Variants in PDE10A observed in about 807,000 individuals in gnomAD.
The protein encoded by PDE10A is phosphodiesterase 10A, also known as cAMP and cAMP-inhibited cGMP 3',5'-cyclic phosphodiesterase 10A.
In PDE10A, 39 loss-of-function variants were observed where a neutral mutation model predicts 97.7. The ratio of observed to expected loss-of-function variants is 0.40; its 90% CI spans 0.31 to 0.52. The LOEUF (loss-of-function observed/expected upper bound fraction) is 0.52. Ranked by LOEUF, PDE10A falls within the 20% of genes least tolerant of loss-of-function variation. The probability of loss-of-function intolerance (pLI) is 0.56; values close to 1 mark genes in which losing one functional copy is unlikely to be tolerated. For synonymous variants in PDE10A, 371 were observed against 376.8 expected (o/e 0.98, Z 0.18); for missense variants, 731 against 1,047.8 (o/e 0.70, Z 4.17).
At chr6:165,790,668 C>T (rs920049763) in intron 1 of PDE10A, among the ~76,000 whole-genome samples, 1 of 152,014 alleles carries the variant, frequency 6.6e-6, no homozygotes, top group African/African-American at 2.4e-5. Flanking sequence ...GAGACCCCGT[C>T]AGCCGTCTCT....
intron 1 of PDE10A, among the ~76,000 whole-genome samples, chr6:165,583,825 A>C (rs1214284094): frequency 6.6e-6 from 1 of 152,184 alleles, no homozygotes; most frequent in African/African-American, 2.4e-5. Context: ...GGTGGGGAGG[A>C]ATAGGAATGG....
At chr6:165,369,138 G>A (rs1304970475) in intron 18 of PDE10A, among the ~76,000 whole-genome samples, 13 of 152,060 alleles carry the variant, frequency 8.5e-5, no homozygotes, top group Admixed American at 3.3e-4. Context: ...AAAAAACAGA[G>A]CAGAAAAACT....
At chr6:165,650,142 T>A (rs1789604945) in intron 1 of PDE10A, among the ~76,000 whole-genome samples, 1 of 152,018 alleles carries the variant, frequency 6.6e-6, no homozygotes, top group Non-Finnish European at 1.5e-5. Flanking sequence ...GAAACCATGA[T>A]CCCAGGAGGA....
chr6:165,958,724 A>AAAG (rs1784260535), intron 1 of PDE10A, among the ~76,000 whole-genome samples: 4 of 14,616 alleles, frequency 2.7e-4, no homozygotes, highest in African/African-American at 1.0e-3. Context: ...GAGAAGAAAG[A>AAAG]AAGAAAGAAA....
chr6:165,813,492 C>T (rs934385446), intron 1 of PDE10A, among the ~76,000 whole-genome samples: 2 of 152,116 alleles, frequency 1.3e-5, no homozygotes, highest in African/African-American at 2.4e-5. Context: ...AAAACATTGA[C>T]GATCCTACAT....
At chr6:165,376,497 T>C (rs1042793472) in intron 18 of PDE10A, among the ~76,000 whole-genome samples, 2 of 152,222 alleles carry the variant, frequency 1.3e-5, no homozygotes, top group African/African-American at 4.8e-5. Context: ...CTGACTCTAA[T>C]GTTGAAGGAA....
chr6:165,748,475 G>T (rs2128455141), intron 1 of PDE10A, among the ~76,000 whole-genome samples: 2 of 152,312 alleles, frequency 1.3e-5, no homozygotes, highest in East Asian at 3.9e-4. Context: ...TGTAAAGGTT[G>T]CATTTTCCCC....
chr6:165,685,618 A>G lies in PDE10A; in HGVS notation c.-614-142050T>C, dbSNP rs1042637439. 4.7e-4 allele frequency among the ~76,000 whole-genome samples: 71 copies of G among 152,170 alleles called. 2 individuals carry two copies. The highest frequency in any genetic ancestry group is 6.2e-4 in the South Asian group (3 of 4,820). ...GTATGTTCCTGGCAGCTTCTCCATC[A>G]CAGCCCACACTCCTCTTTTACCTGT... On this transcript the variant is annotated intron_variant, in intron 1 of 19. Coordinates refer to the PDE10A transcript ENST00000366882.
chr6:165,584,076 C>G (rs1006104530), intron 1 of PDE10A, among the ~76,000 whole-genome samples: 1 of 152,168 alleles, frequency 6.6e-6, no homozygotes, highest in Non-Finnish European at 1.5e-5. Flanking sequence ...GGAAATGGAG[C>G]TGCTACTATC....
chr6:165,784,504 A>G (rs181836973), intron 1 of PDE10A, among the ~76,000 whole-genome samples: 32 of 152,334 alleles, frequency 2.1e-4, no homozygotes, highest in African/African-American at 7.2e-4. Context: ...GACTACTCAT[A>G]TTGTTTCTAT....
At position 165,388,433 on chromosome 6, in the gene PDE10A, C is replaced by T. The variant is rs140098147; in HGVS notation, c.2475G>A (p.Ala825=). 5.2e-4 allele frequency: 834 copies of T among 1,614,072 alleles called. 6 individuals are homozygous for T. The East Asian group carries it at 9.8e-3, about 19-fold the overall frequency. Residue 825 remains alanine (A), a synonymous_variant, in exon 17 of 22, where the codon GCG becomes GCA. Coordinates refer to ENST00000539869, the MANE Select transcript of PDE10A (RefSeq NM_001385079.1). The surrounding 1 kb of genome is among the most constrained non-coding windows in gnomAD (Gnocchi z 4.0). ...TDLERKGLLI[A]CLCHDLDHRG... Reference sequence around the variant, plus strand: ...TGTGGTCCAGGTCATGACACAGACACGCAATCAGCAGTCCTTTGCGCTTTA... The same window carrying T: ...TGTGGTCCAGGTCATGACACAGACATGCAATCAGCAGTCCTTTGCGCTTTA...
intron 1 of PDE10A, among the ~76,000 whole-genome samples, chr6:165,652,888 G>A (rs1789752994): frequency 6.6e-6 from 1 of 152,170 alleles, no homozygotes; most frequent in African/African-American, 2.4e-5. Flanking sequence ...AAATGAAGCT[G>A]AGGCATCCAG....
chr6:165,944,306 GTC>G (rs1453827085), intron 1 of PDE10A, among the ~76,000 whole-genome samples: 13 of 152,258 alleles, frequency 8.5e-5, no homozygotes, highest in African/African-American at 3.1e-4. Flanking sequence ...CCATATCACC[GTC>G]TCTTTAATTT....
At chr6:165,970,849 G>GA (rs572169617) in intron 1 of PDE10A, among the ~76,000 whole-genome samples, 3 of 151,744 alleles carry the variant, frequency 2.0e-5, no homozygotes, top group Non-Finnish European at 4.4e-5. Flanking sequence ...TTCTGATAAT[G>GA]AAAAAAAAAT....
intron 19 of PDE10A, among the ~76,000 whole-genome samples, chr6:165,342,594 C>T (rs1782036691): frequency 6.6e-6 from 1 of 152,212 alleles, no homozygotes; most frequent in Non-Finnish European, 1.5e-5. Context: ...TACATACATT[C>T]TTCTGTATGA....
At chr6:165,387,518 G>A (rs963583510) in intron 17 of PDE10A, among the ~76,000 whole-genome samples, 5 of 152,182 alleles carry the variant, frequency 3.3e-5, no homozygotes, top group Admixed American at 6.5e-5. Flanking sequence ...TTTCTGCTTC[G>A]CAACTTGCCT....
At chr6:165,932,030 C>T (rs944159603) in intron 1 of PDE10A, among the ~76,000 whole-genome samples, 4 of 152,142 alleles carry the variant, frequency 2.6e-5, no homozygotes, top group Non-Finnish European at 4.4e-5. Flanking sequence ...TTGGCAAGTG[C>T]GGGTGAACGG....
intron 1 of PDE10A, among the ~76,000 whole-genome samples, chr6:165,648,315 C>A (rs1375816618): frequency 1.3e-5 from 2 of 151,972 alleles, no homozygotes; most frequent in Non-Finnish European, 2.9e-5. Context: ...CCCGGCCTTA[C>A]ATATGCATTT....
At position 165,661,811 on chromosome 6, in the gene PDE10A, C is replaced by A; in HGVS notation, c.865+136G>T. On this transcript the variant is annotated intron_variant, in intron 1 of 21. Coordinates refer to ENST00000539869, the MANE Select transcript of PDE10A (RefSeq NM_001385079.1). This position sits in a 1 kb window ranked among gnomAD's most constrained non-coding sequence, Gnocchi z 4.8. ...ACCGGCTCCTGCCCCTCCAGAGAAGCCCCCTGGGCGCTCCACGCCCGGGCA... is the reference window on the plus strand; with the variant it reads ...ACCGGCTCCTGCCCCTCCAGAGAAGACCCCTGGGCGCTCCACGCCCGGGCA... 1.9e-6 allele frequency: 1 copy of A among 516,444 alleles called. No individual in the cohort carries two copies. The highest frequency in any genetic ancestry group is 3.5e-6 in the Non-Finnish European group (1 of 284,014). 32.0% of individuals were successfully genotyped at this position (516,444 alleles called of 1,614,324 possible). A position where few individuals can be genotyped will look rare whatever the true frequency, so the allele number is the denominator to read the frequency against.
Sources: gnomAD v4.1 joint callset for allele counts (sites outside exome capture counted in the v4.1 genomes callset) on GRCh38, gnomAD v4.1.1 for gene constraint, Gnocchi (gnomAD v3.1) non-coding constraint, MANE v1.5 for transcripts, NCBI Gene and HGNC (gene_info 2026-07-23, HGNC 2026-07-21) for gene names.